RSPO2: variants seen among roughly 807,000 people sequenced by gnomAD.
The protein encoded by RSPO2 is R-spondin-2.
RSPO2 carries 14 observed loss-of-function variants against 30.9 expected under a neutral mutation model. The ratio of observed to expected loss-of-function variants is 0.45; its 90% CI spans 0.30 to 0.71. The LOEUF is 0.71. Ranked by LOEUF, RSPO2 falls within the 30% of genes least tolerant of loss-of-function variation. The pLI is 0.08. For missense variants in RSPO2, 264 were observed against 301.9 expected, an observed-to-expected ratio of 0.87 and a Z score of 0.93; for synonymous variants, 107 against 96.4, an observed-to-expected ratio of 1.11 and a Z score of -0.64.
chr8:108,033,742 C>T (rs1430019956), intron 2 of RSPO2, among the ~76,000 whole-genome samples: 3 of 152,150 alleles, frequency 2.0e-5, no homozygotes, highest in South Asian at 2.1e-4. Context: ...CTGTGTTTTC[C>T]AGACTCTTTT....
chr8:108,062,545 C>T (rs1320094116), intron 2 of RSPO2, among the ~76,000 whole-genome samples: 15 of 151,074 alleles, frequency 9.9e-5, no homozygotes, highest in Admixed American at 9.2e-4. Flanking sequence ...GCAATAATAG[C>T]CTACCAACCA....
chr8:107,924,077 C>T lies in RSPO2; in HGVS notation c.617-22887G>A, dbSNP rs574544653. 1.0e-4 allele frequency among the ~76,000 whole-genome samples: 15 copies of T among 144,638 alleles called. No homozygotes were observed. In the South Asian group the frequency reaches 3.4e-3, roughly 32 times the overall value. 94.9% of individuals were successfully genotyped at this position (144,638 alleles called of 152,430 possible). A position where few individuals can be genotyped will look rare whatever the true frequency, so the allele number is the denominator to read the frequency against. ...CCCATATAACAAAGTTGCACGTGTACCCCTGAACATACAATTAAAAAAAAA... is the reference window on the plus strand; with the variant it reads ...CCCATATAACAAAGTTGCACGTGTATCCCTGAACATACAATTAAAAAAAAA... On this transcript the variant is annotated intron_variant, in intron 5 of 5. Coordinates refer to ENST00000276659, the MANE Select transcript of RSPO2 (RefSeq NM_178565.5).
At chr8:108,068,913 C>T (rs909409474) in intron 2 of RSPO2, among the ~76,000 whole-genome samples, 1 of 152,174 alleles carries the variant, frequency 6.6e-6, no homozygotes, top group Non-Finnish European at 1.5e-5. Flanking sequence ...TCTGCTGTTT[C>T]ACACCATCCA....
At chr8:108,048,197 T>C (rs1226238839) in intron 2 of RSPO2, among the ~76,000 whole-genome samples, 16 of 151,894 alleles carry the variant, frequency 1.1e-4, no homozygotes, top group Admixed American at 1.1e-3. Context: ...TAGGATGCTA[T>C]CCAATAAGCA....
intron 3 of RSPO2, among the ~76,000 whole-genome samples, chr8:107,964,957 CTG>C (rs1327496521): frequency 1.3e-5 from 2 of 152,160 alleles, no homozygotes; most frequent in African/African-American, 4.8e-5. Context: ...GAAATAGCCA[CTG>C]TGTTAACAGT....
At chr8:107,964,724 A>T (rs1398909996) in intron 3 of RSPO2, among the ~76,000 whole-genome samples, 1 of 152,184 alleles carries the variant, frequency 6.6e-6, no homozygotes, top group African/African-American at 2.4e-5. Flanking sequence ...ACTCCTGTGC[A>T]GTCTCATAGT....
At chr8:107,904,050 G>C (rs1811559946) in intron 5 of RSPO2, among the ~76,000 whole-genome samples, 1 of 151,952 alleles carries the variant, frequency 6.6e-6, no homozygotes, top group South Asian at 2.1e-4. Flanking sequence ...AAAGAAATCG[G>C]TAAGATTAAA....
chr8:107,960,938 AT>A (rs1320339868), intron 3 of RSPO2, 121 bp from the exon 4 acceptor site: 11 of 705,656 alleles, frequency 1.6e-5, no homozygotes, highest in Middle Eastern at 4.0e-4. Flanking sequence ...TCAGAGAAAT[AT>A]TGTTTAACTC....
At chr8:107,929,233 A>T (rs1372047430) in intron 5 of RSPO2, among the ~76,000 whole-genome samples, 4 of 152,212 alleles carry the variant, frequency 2.6e-5, no homozygotes, top group African/African-American at 9.7e-5. Flanking sequence ...TTTTGAGAGG[A>T]TAAGTAACAC....
At chr8:108,066,770 A>T (rs1812684280) in intron 2 of RSPO2, among the ~76,000 whole-genome samples, 1 of 152,238 alleles carries the variant, frequency 6.6e-6, no homozygotes, top group Non-Finnish European at 1.5e-5. Flanking sequence ...TTAGAAAAAA[A>T]AATCACTATT....
At chr8:107,921,130 G>C (rs1053592159) in intron 5 of RSPO2, among the ~76,000 whole-genome samples, 3 of 151,952 alleles carry the variant, frequency 2.0e-5, no homozygotes, top group African/African-American at 7.2e-5. Context: ...GGAATTTTTT[G>C]GTGGGTACAT....
At chr8:107,986,531 T>C (rs1814638995) in intron 3 of RSPO2, among the ~76,000 whole-genome samples, 1 of 152,194 alleles carries the variant, frequency 6.6e-6, no homozygotes, top group South Asian at 2.1e-4. Context: ...GAAGACTCCA[T>C]TGATATACTA....
intron 2 of RSPO2, among the ~76,000 whole-genome samples, chr8:108,063,587 A>G (rs200157189): frequency 1.3e-5 from 2 of 151,822 alleles, no homozygotes; most frequent in African/African-American, 4.9e-5. Context: ...AATCAATATC[A>G]TGAAAATGGC....
intron 2 of RSPO2, among the ~76,000 whole-genome samples, chr8:108,047,153 T>C (rs1046908662): frequency 2.6e-5 from 4 of 152,218 alleles, no homozygotes; most frequent in African/African-American, 9.6e-5. Context: ...TTGGTAATAT[T>C]TTTATCACCT....
intron 2 of RSPO2, among the ~76,000 whole-genome samples, chr8:108,027,429 G>A (rs564819334): frequency 2.0e-5 from 3 of 152,088 alleles, no homozygotes; most frequent in Non-Finnish European, 4.4e-5. Flanking sequence ...GTATCTATCT[G>A]GTACAATGAC....
chr8:108,018,981 A>T (rs1209694393), intron 2 of RSPO2, among the ~76,000 whole-genome samples: 1 of 152,246 alleles, frequency 6.6e-6, no homozygotes. Flanking sequence ...CTAACACAAC[A>T]TAGATCATTC....
chr8:108,009,505 T>C (rs75037235), intron 2 of RSPO2, among the ~76,000 whole-genome samples: 7,900 of 152,214 alleles, frequency 0.052, 275 homozygotes, highest in South Asian at 0.14. Context: ...ATAAAAACAG[T>C]GTAGAATCCT....
intron 5 of RSPO2, among the ~76,000 whole-genome samples, chr8:107,922,990 C>T (rs190061633): frequency 3.2e-3 from 484 of 152,234 alleles, no homozygotes; most frequent in South Asian, 0.012. Context: ...GGAAGACAAC[C>T]TGGGCAATAC....
chr8:107,983,450 A>G (rs1230065671), intron 3 of RSPO2: 21 of 1,598,258 alleles, frequency 1.3e-5, no homozygotes, highest in Non-Finnish European at 1.5e-5. Flanking sequence ...GCAGAGGGCC[A>G]GAGTCCCCTT....
Sources: gnomAD v4.1 joint callset for allele counts (sites outside exome capture counted in the v4.1 genomes callset) on GRCh38, gnomAD v4.1.1 for gene constraint, MANE v1.5 for transcripts, NCBI Gene and HGNC (gene_info 2026-07-23, HGNC 2026-07-21) for gene names.